RIPOR2: variants seen among roughly 807,000 people sequenced by gnomAD.
RIPOR2 encodes the protein RHO family interacting cell polarization regulator 2, also known as rho family-interacting cell polarization regulator 2.
Under a neutral mutation model 114.5 loss-of-function variants are expected in RIPOR2, and 39 were observed. The ratio of observed to expected loss-of-function variants is 0.34; its 90% CI spans 0.26 to 0.44. RIPOR2 has a LOEUF of 0.44. RIPOR2 is among the 20% of genes least tolerant of loss of function. The probability of loss-of-function intolerance (pLI) is 1.00; values close to 1 mark genes in which losing one functional copy is unlikely to be tolerated. For synonymous variants in RIPOR2, 445 were observed against 484.4 expected (o/e 0.92, Z 1.07); for missense variants, 1,007 against 1,255.1 (o/e 0.80, Z 2.99).
chr6:25,026,050 T>TG (rs1314110712), intron 1 of RIPOR2, among the ~76,000 whole-genome samples: 1 of 152,058 alleles, frequency 6.6e-6, no homozygotes, highest in Non-Finnish European at 1.5e-5. Context: ...TTGTTGTTTT[T>TG]TTTTTTTGTT....
chr6:24,961,613 G>A (rs1273003785), intron 1 of RIPOR2, among the ~76,000 whole-genome samples: 4 of 146,052 alleles, frequency 2.7e-5, no homozygotes, highest in East Asian at 2.1e-4. Context: ...CTTACTTTGG[G>A]GTACAGTTGT....
At chr6:24,940,626 A>G (rs1235622521), upstream of RIPOR2, among the ~76,000 whole-genome samples, 2 of 152,178 alleles carry the variant, frequency 1.3e-5, no homozygotes, top group Non-Finnish European at 2.9e-5. Flanking sequence ...TGCCATGTCT[A>G]AAGAGCTGGG....
intron 1 of RIPOR2, among the ~76,000 whole-genome samples, chr6:25,000,561 C>A (rs1487246088): frequency 6.6e-6 from 1 of 152,098 alleles, no homozygotes; most frequent in South Asian, 2.1e-4. Flanking sequence ...TTTTCCCAAA[C>A]TAAAATTAAT....
intron 20 of RIPOR2, 85 bp from the exon 21 acceptor site, chr6:24,809,892 C>A (rs1010694597): frequency 4.5e-6 from 4 of 881,208 alleles, no homozygotes; most frequent in Admixed American, 4.1e-5. Flanking sequence ...CTGGTGGGAA[C>A]TTTAGCCTCA....
intron 1 of RIPOR2, among the ~76,000 whole-genome samples, chr6:24,892,585 C>T (rs1423308677): frequency 6.6e-6 from 1 of 152,038 alleles, no homozygotes; most frequent in East Asian, 1.9e-4. Context: ...CATTCATTTT[C>T]TTGTGTCCTC....
intron 8 of RIPOR2, 45 bp from the exon 9 acceptor site, chr6:24,852,663 C>A: frequency 1.3e-6 from 2 of 1,482,946 alleles, no homozygotes; most frequent in South Asian, 1.2e-5. Flanking sequence ...CATATTTCCC[C>A]TCTCTATAGA....
chr6:24,914,238 A>G (rs1345843667), intron 1 of RIPOR2, among the ~76,000 whole-genome samples: 2 of 152,070 alleles, frequency 1.3e-5, no homozygotes, highest in African/African-American at 4.8e-5. Flanking sequence ...CAGGAGGGTA[A>G]GGTGGGAGGA....
At chr6:24,952,204 G>A (rs529037862) in intron 1 of RIPOR2, among the ~76,000 whole-genome samples, 55 of 152,284 alleles carry the variant, frequency 3.6e-4, no homozygotes, top group Admixed American at 2.2e-3. Flanking sequence ...AAGGTAAAGC[G>A]CAGAATAGTA....
intron 4 of RIPOR2, among the ~76,000 whole-genome samples, chr6:24,871,473 T>C (rs565161464): frequency 6.6e-6 from 1 of 152,312 alleles, no homozygotes; most frequent in South Asian, 2.1e-4. Flanking sequence ...TGCCTCAGCC[T>C]CCTGAGTAGC....
intron 1 of RIPOR2, among the ~76,000 whole-genome samples, chr6:24,904,050 T>C (rs1474293737): frequency 1.3e-5 from 2 of 152,234 alleles, no homozygotes; most frequent in Non-Finnish European, 2.9e-5. Flanking sequence ...TAGGATTCCA[T>C]GTGTGAGTTG....
chr6:24,835,973 C>T (rs1761076566), intron 14 of RIPOR2, 102 bp from the exon 15 acceptor site: 2 of 1,041,636 alleles, frequency 1.9e-6, no homozygotes, highest in Non-Finnish European at 2.8e-6. Flanking sequence ...CCACTGAAAA[C>T]AGTCTTTCAC....
At chr6:24,975,098 C>T (rs182080885) in intron 1 of RIPOR2, among the ~76,000 whole-genome samples, 33 of 152,248 alleles carry the variant, frequency 2.2e-4, no homozygotes, top group African/African-American at 3.6e-4. Context: ...TGTGAATATA[C>T]TAAAAGCCAT....
At chr6:25,023,780 A>G in intron 1 of RIPOR2, 1 of 793,048 alleles carries the variant, frequency 1.3e-6, no homozygotes. Flanking sequence ...GCCATCGTTG[A>G]CGTTGGTCAC....
At chr6:24,986,904 T>G (rs920054383) in intron 1 of RIPOR2, among the ~76,000 whole-genome samples, 1 of 145,682 alleles carries the variant, frequency 6.9e-6, no homozygotes, top group Admixed American at 7.0e-5. Flanking sequence ...CGAACACTAA[T>G]GGTAGCTGAT....
chr6:24,888,825 T>C (rs931574882), intron 1 of RIPOR2, among the ~76,000 whole-genome samples: 2 of 152,196 alleles, frequency 1.3e-5, no homozygotes, highest in Admixed American at 1.3e-4. Flanking sequence ...GTAAATTGAA[T>C]TGATGGAGAA....
At chr6:24,889,898 T>G (rs1284907222) in intron 1 of RIPOR2, among the ~76,000 whole-genome samples, 1 of 152,124 alleles carries the variant, frequency 6.6e-6, no homozygotes. Flanking sequence ...TTTTATTTTA[T>G]TTTATTTTTT....
chr6:24,852,248 C>T (rs1050023620), intron 9 of RIPOR2, among the ~76,000 whole-genome samples: 13 of 151,424 alleles, frequency 8.6e-5, no homozygotes, highest in Admixed American at 2.0e-4. Context: ...GGCAACAGAG[C>T]GAGACTCCAT....
chr6:24,924,380 G>C (rs1372984660), intron 1 of RIPOR2, among the ~76,000 whole-genome samples: 1 of 152,092 alleles, frequency 6.6e-6, no homozygotes, highest in Non-Finnish European at 1.5e-5. Context: ...GCATCATATG[G>C]GGGAAAGAAG....
intron 1 of RIPOR2, among the ~76,000 whole-genome samples, chr6:25,036,515 C>T (rs540647177): frequency 3.5e-4 from 53 of 152,204 alleles, no homozygotes; most frequent in African/African-American, 1.3e-3. Flanking sequence ...CCTCAGCCTC[C>T]TGAGTAGCTG....
Sources: gnomAD v4.1 joint callset for allele counts (sites outside exome capture counted in the v4.1 genomes callset) on GRCh38, gnomAD v4.1.1 for gene constraint, MANE v1.5 for transcripts, NCBI Gene and HGNC (gene_info 2026-07-23, HGNC 2026-07-21) for gene names.